Variants in ZNF385B observed in about 807,000 individuals in gnomAD.
The protein encoded by ZNF385B is zinc finger protein 385B, also known as zinc finger protein 533.
A neutral mutation model predicts 39.2 loss-of-function variants in ZNF385B; 23 were observed. The ratio of observed to expected loss-of-function variants is 0.59; its 90% CI spans 0.42 to 0.83. ZNF385B has a LOEUF of 0.83. Among genes scored for constraint, ZNF385B ranks in the 40% least tolerant of loss-of-function variants. The pLI, the probability that ZNF385B is intolerant of heterozygous loss-of-function variation, is 0.00. For synonymous variants in ZNF385B, 205 were observed against 222.6 expected, an observed-to-expected ratio of 0.92 and a Z score of 0.70; for missense variants, 552 against 598.9, an observed-to-expected ratio of 0.92 and a Z score of 0.82.
chr2:179,714,749 C>A (rs1326542587), intron 3 of ZNF385B, among the ~76,000 whole-genome samples: 1 of 151,690 alleles, frequency 6.6e-6, no homozygotes, highest in Admixed American at 6.6e-5. Context: ...AATTCCAGAC[C>A]AACCTGGCCA....
At chr2:179,535,599 T>C (rs1236534737) in intron 4 of ZNF385B, among the ~76,000 whole-genome samples, 1 of 152,234 alleles carries the variant, frequency 6.6e-6, no homozygotes, top group Non-Finnish European at 1.5e-5. Context: ...AAAGAATCAA[T>C]GTAAAACGTC....
chr2:179,723,536 C>A (rs886286290), intron 3 of ZNF385B, among the ~76,000 whole-genome samples: 4 of 151,992 alleles, frequency 2.6e-5, no homozygotes, highest in African/African-American at 9.7e-5. Context: ...AGCTACACAT[C>A]AAAAAGTATG....
chr2:179,684,386 C>G (rs1461295494), intron 3 of ZNF385B, among the ~76,000 whole-genome samples: 1 of 152,150 alleles, frequency 6.6e-6, no homozygotes. Flanking sequence ...GAAACACTAT[C>G]TCCTAAAGAA....
intron 5 of ZNF385B, among the ~76,000 whole-genome samples, chr2:179,502,213 G>C (rs2056828919): frequency 6.6e-6 from 1 of 152,190 alleles, no homozygotes; most frequent in Non-Finnish European, 1.5e-5. Context: ...GACTTGCCTT[G>C]TCTCAGGTGA....
rs80107218 is a variant in ZNF385B, at chr2:179,530,516, A to G, written c.442-11878T>C. The stretch of plus-strand genomic sequence containing the variant: ...ATACATCTCCTGAACAGCCACATGC[A>G]TTAACTGACATCCTTTCAAAACCAT... On this transcript the variant is annotated intron_variant, in intron 4 of 9. Transcript: ENST00000410066. Among the ~76,000 whole-genome samples the G allele has an allele frequency of 1.5e-3, 230 of 152,352 alleles. 7 individuals are homozygous for G. The East Asian group carries it at 0.042, about 28-fold the overall frequency.
At chr2:179,496,064 A>G (rs2056170590) in intron 5 of ZNF385B, among the ~76,000 whole-genome samples, 1 of 152,214 alleles carries the variant, frequency 6.6e-6, no homozygotes, top group Non-Finnish European at 1.5e-5. Flanking sequence ...GTGTTGAGGA[A>G]ACATAAAGAA....
At chr2:179,565,486 A>C (rs10184487) in intron 3 of ZNF385B, among the ~76,000 whole-genome samples, 31,981 of 152,046 alleles carry the variant, frequency 0.21, 3,594 homozygotes, top group Middle Eastern at 0.28. Flanking sequence ...CTCAAACTTA[A>C]ATGAAAACTG....
chr2:179,727,185 C>G (rs1194922580), intron 3 of ZNF385B, among the ~76,000 whole-genome samples: 1 of 152,058 alleles, frequency 6.6e-6, no homozygotes, highest in African/African-American at 2.4e-5. Context: ...GGTATTTTAT[C>G]TGATAACCAC....
intron 5 of ZNF385B, among the ~76,000 whole-genome samples, chr2:179,487,137 T>G (rs977943949): frequency 2.0e-5 from 3 of 152,244 alleles, no homozygotes; most frequent in Non-Finnish European, 4.4e-5. Flanking sequence ...TTTCTTGGCA[T>G]CAGTGCCGAA....
At chr2:179,859,613 G>C (rs1684881216) in intron 1 of ZNF385B, among the ~76,000 whole-genome samples, 1 of 152,156 alleles carries the variant, frequency 6.6e-6, no homozygotes, top group African/African-American at 2.4e-5. Context: ...CTGATTTGTG[G>C]TTTTTATCCC....
intron 3 of ZNF385B, among the ~76,000 whole-genome samples, chr2:179,605,346 C>T (rs886746928): frequency 1.3e-5 from 2 of 151,744 alleles, no homozygotes; most frequent in African/African-American, 4.8e-5. Context: ...ATAAACTAGC[C>T]TGAAATATCT....
intron 6 of ZNF385B, among the ~76,000 whole-genome samples, chr2:179,474,105 A>AT (rs1483498148): frequency 6.9e-6 from 1 of 145,920 alleles, no homozygotes; most frequent in East Asian, 1.9e-4. Flanking sequence ...TCACAATTTG[A>AT]TTTAAAAAAA....
chr2:179,713,672 C>A (rs1249136295), intron 3 of ZNF385B, among the ~76,000 whole-genome samples: 1 of 152,196 alleles, frequency 6.6e-6, no homozygotes, highest in African/African-American at 2.4e-5. Context: ...TGTATCTTCA[C>A]CGCCTAACAT....
At chr2:179,557,750 G>T (rs1392586991) in intron 3 of ZNF385B, among the ~76,000 whole-genome samples, 1 of 151,568 alleles carries the variant, frequency 6.6e-6, no homozygotes, top group East Asian at 1.9e-4. Context: ...GATTCATAGG[G>T]TACATGTATA....
chr2:179,641,862 G>T (rs1575067633), intron 3 of ZNF385B, among the ~76,000 whole-genome samples: 1 of 152,146 alleles, frequency 6.6e-6, no homozygotes, highest in African/African-American at 2.4e-5. Context: ...TGTGTCCTGA[G>T]ATGCTTTCGA....
chr2:179,531,030 C>A (rs2059219809), intron 4 of ZNF385B, among the ~76,000 whole-genome samples: 1 of 152,004 alleles, frequency 6.6e-6, no homozygotes, highest in Non-Finnish European at 1.5e-5. Flanking sequence ...TAGAATAAAA[C>A]TCAGTTTTTA....
In ZNF385B at chr2:179,628,119, T is replaced by G. The variant is rs1429988866; in HGVS notation, c.299-83150A>C. Reference sequence around the variant, plus strand: ...TATTTGTAAATACATCAGTTTGTATTTCTAAGAGATAAGCTCATTTTAACC... The same window carrying G: ...TATTTGTAAATACATCAGTTTGTATGTCTAAGAGATAAGCTCATTTTAACC... On this transcript the variant is annotated intron_variant, in intron 3 of 9. Coordinates refer to ENST00000410066, the MANE Select transcript of ZNF385B (RefSeq NM_152520.6). 2.0e-5 allele frequency among the ~76,000 whole-genome samples: 3 copies of G among 152,304 alleles called. No individual in the cohort carries two copies. In the East Asian group the frequency reaches 5.8e-4, roughly 29 times the overall value.
intron 3 of ZNF385B, among the ~76,000 whole-genome samples, chr2:179,573,909 C>A (rs1308615513): frequency 6.6e-6 from 1 of 151,898 alleles, no homozygotes; most frequent in Non-Finnish European, 1.5e-5. Context: ...CACCAAAATG[C>A]CATAAAAATA....
Position 179,591,200 on chromosome 2 carries a change from G to A in ZNF385B, c.299-46231C>T, listed in dbSNP as rs535218497. Among the ~76,000 whole-genome samples the A allele has an allele frequency of 1.6e-4, 24 of 151,536 alleles. 1 individual carries two copies. The South Asian group carries it at 5.0e-3, about 32-fold the overall frequency. ...TGTTATTTTTAAACTTCTTTTAATTGTATATTTCCTATTATTTTCATATGA... is the reference window on the plus strand; with the variant it reads ...TGTTATTTTTAAACTTCTTTTAATTATATATTTCCTATTATTTTCATATGA... On this transcript the variant is annotated intron_variant, in intron 3 of 9. Transcript: ENST00000410066.
Sources: allele counts gnomAD v4.1 joint callset (sites outside exome capture counted in the v4.1 genomes callset), GRCh38; gene constraint gnomAD v4.1.1; transcripts MANE v1.5; gene names NCBI Gene and HGNC (gene_info 2026-07-23, HGNC 2026-07-21).